DHX40: variants seen among roughly 807,000 people sequenced by gnomAD.
DHX40 encodes probable ATP-dependent RNA helicase DHX40.
In DHX40, 28 loss-of-function variants were observed where a neutral mutation model predicts 89.6. That is an observed-to-expected ratio of 0.31 (90% CI 0.23 to 0.43). DHX40 has a LOEUF of 0.43. Ranked by LOEUF, DHX40 falls within the 20% of genes least tolerant of loss-of-function variation. The probability of loss-of-function intolerance (pLI) is 1.00; values close to 1 mark genes in which losing one functional copy is unlikely to be tolerated. For synonymous variants in DHX40, 226 were observed against 283.6 expected, an observed-to-expected ratio of 0.80 and a Z score of 2.04; for missense variants, 457 against 844.0, an observed-to-expected ratio of 0.54 and a Z score of 5.68.
intron 15 of DHX40, chr17:59,604,482 A>G (rs1442691674): frequency 6.6e-6 from 1 of 152,386 alleles, no homozygotes; most frequent in Non-Finnish European, 1.5e-5. Context: ...GAATAATTAC[A>G]GTGCAGTCTG....
At chr17:59,568,280 A>G (rs2048737061) in intron 2 of DHX40, among the ~76,000 whole-genome samples, 1 of 152,210 alleles carries the variant, frequency 6.6e-6, no homozygotes, top group Non-Finnish European at 1.5e-5. Context: ...TTTTTTGACA[A>G]GTGTCATTCA....
intron 2 of DHX40, among the ~76,000 whole-genome samples, chr17:59,569,667 C>T (rs2048760017): frequency 7.0e-6 from 1 of 142,184 alleles, no homozygotes; most frequent in South Asian, 2.1e-4. Context: ...GCCTGGGCAA[C>T]AGAGCAATAC....
chr17:59,571,862 G>A (rs944776608), intron 3 of DHX40, among the ~76,000 whole-genome samples: 4 of 151,980 alleles, frequency 2.6e-5, no homozygotes, highest in Non-Finnish European at 4.4e-5. Context: ...AAACCACCGC[G>A]CCCTGCTGTA....
At chr17:59,602,400 TG>T in intron 14 of DHX40, 121 bp from the exon 15 acceptor site, 1 of 792,596 alleles carries the variant, frequency 1.3e-6, no homozygotes, top group Non-Finnish European at 1.9e-6. Context: ...AGGGTAAATC[TG>T]GTCTCTCTTA....
chr17:59,573,007 C>T (rs2048832510), intron 3 of DHX40, 109 bp from the exon 4 acceptor site: 2 of 1,221,122 alleles, frequency 1.6e-6, no homozygotes, highest in African/African-American at 3.1e-5. Context: ...TTTATGTACC[C>T]TTTTGTTTAG....
chr17:59,570,751 A>G, intron 3 of DHX40, 88 bp downstream of exon 3: 1 of 1,375,820 alleles, frequency 7.3e-7, no homozygotes, highest in Non-Finnish European at 9.8e-7. Context: ...TGGCGCAATC[A>G]TGGCTCTCTG....
intron 11 of DHX40, among the ~76,000 whole-genome samples, 159 bp downstream of exon 11, chr17:59,586,392 G>A (rs945989490): frequency 1.1e-4 from 16 of 152,116 alleles, no homozygotes; most frequent in Non-Finnish European, 1.9e-4. Context: ...GCCGGGCGCT[G>A]TGGCTCATAC....
intron 12 of DHX40, among the ~76,000 whole-genome samples, chr17:59,598,482 A>G (rs1285871787): frequency 1.3e-5 from 2 of 152,126 alleles, no homozygotes; most frequent in Non-Finnish European, 2.9e-5. Context: ...AGTAAATTAC[A>G]AATACTATTT....
intron 2 of DHX40, among the ~76,000 whole-genome samples, chr17:59,567,513 T>C (rs1283141297): frequency 6.6e-6 from 1 of 152,242 alleles, no homozygotes; most frequent in African/African-American, 2.4e-5. Context: ...CTGTTTCTGC[T>C]TTCCTCAGCC....
Position 59,589,166 on chromosome 17 carries a change from T to C in DHX40, c.1582+1113T>C, listed in dbSNP as rs534285663. On this transcript the variant is annotated intron_variant, in intron 12 of 17. Transcript: ENST00000251241. ...TTCTGGGTCTTTTTCATATAAACTT[T>C]AGAACCAGTCTGTTGAAATCCACAA... 4.4e-3 allele frequency among the ~76,000 whole-genome samples: 669 copies of C among 151,844 alleles called. 3 individuals carry two copies. Among genetic ancestry groups the C allele is most frequent in the African/African-American group, 0.015 (637 of 41,414 alleles).
At chr17:59,591,656 C>T (rs1333541545) in intron 12 of DHX40, among the ~76,000 whole-genome samples, 1 of 151,332 alleles carries the variant, frequency 6.6e-6, no homozygotes, top group Admixed American at 6.6e-5. Flanking sequence ...ACCTTCTATG[C>T]AGTTTCCGCA....
intron 12 of DHX40, 92 bp downstream of exon 12, chr17:59,588,145 G>T: frequency 6.4e-7 from 1 of 1,555,056 alleles, no homozygotes. Context: ...CTTTGGGAGG[G>T]CAAGGCAGGT....
At chr17:59,566,205 C>G (rs1050284969) in intron 1 of DHX40, among the ~76,000 whole-genome samples, 1 of 152,150 alleles carries the variant, frequency 6.6e-6, no homozygotes, top group Non-Finnish European at 1.5e-5. Context: ...TCGCTCTGAA[C>G]AGGGACCTAA....
At chr17:59,605,909 G>GA in intron 17 of DHX40, 1 of 562,646 alleles carries the variant, frequency 1.8e-6, no homozygotes, top group East Asian at 3.5e-5. Context: ...AGGCTGCAGT[G>GA]AACTGTGATT....
At chr17:59,574,876 A>G (rs1055718504) in intron 6 of DHX40, among the ~76,000 whole-genome samples, 3 of 152,206 alleles carry the variant, frequency 2.0e-5, no homozygotes, top group African/African-American at 7.2e-5. Flanking sequence ...AACTAGTGGC[A>G]TAACTTTTCA....
rs1598177054 is a variant in DHX40, at chr17:59,600,852, A to AT, written c.1806+1369_1806+1370insT. On this transcript the variant is annotated intron_variant, in intron 14 of 17. Transcript: ENST00000251241. ...GAGCAGCAGCACCCTGTCTCAAAAA[A>AT]ATTTTTTTTTTTTTTTTTTTTTACT... is the stretch of plus-strand genomic sequence containing the variant. 4.8e-3 allele frequency among the ~76,000 whole-genome samples: 592 copies of AT among 123,040 alleles called. 2 individuals are homozygous for AT. The highest frequency in any genetic ancestry group is 0.022 in the African/African-American group (564 of 25,640). 80.7% of individuals were successfully genotyped at this position (123,040 alleles called of 152,430 possible). A position where few individuals can be genotyped will look rare whatever the true frequency, so the allele number is the denominator to read the frequency against.
intron 1 of DHX40, among the ~76,000 whole-genome samples, chr17:59,566,294 C>T (rs1158621144): frequency 6.6e-6 from 1 of 152,180 alleles, no homozygotes; most frequent in Non-Finnish European, 1.5e-5. Flanking sequence ...AGTTTTTGGT[C>T]TATTGTTAAA....
rs140502681 is a variant in DHX40 at position 59,606,277 on chromosome 17, TGTG to T, written c.2200+606_2200+608del. Among the ~76,000 whole-genome samples, 1,128 of 152,274 alleles carry T rather than the reference TGTG, an allele frequency of 7.4e-3. 17 individuals are homozygous for T. Among genetic ancestry groups the T allele is most frequent in the African/African-American group, 0.026 (1,099 of 41,560 alleles). On this transcript the variant is annotated intron_variant, in intron 17 of 17. Coordinates refer to ENST00000251241, the MANE Select transcript of DHX40 (RefSeq NM_024612.5). Reference sequence around the variant, plus strand: ...ACCCTGGTTGGGAGGCATAAATAGTTGTGGTACTGAAATAGGACAGAAAGTTTT... The same window carrying T: ...ACCCTGGTTGGGAGGCATAAATAGTTGTACTGAAATAGGACAGAAAGTTTT...
intron 3 of DHX40, among the ~76,000 whole-genome samples, chr17:59,571,787 G>A (rs2048813169): frequency 1.3e-5 from 2 of 151,752 alleles, no homozygotes; most frequent in East Asian, 2.0e-4. Context: ...AGATGGGGTT[G>A]GTCTCAAATT....
Sources: gnomAD v4.1 joint callset for allele counts (sites outside exome capture counted in the v4.1 genomes callset) on GRCh38, gnomAD v4.1.1 for gene constraint, MANE v1.5 for transcripts, NCBI Gene and HGNC (gene_info 2026-07-23, HGNC 2026-07-21) for gene names.